The following ACYP2 variants were observed in gnomAD, a reference collection of about 807,000 sequenced individuals.
The protein encoded by ACYP2 is acylphosphatase-2.
A neutral mutation model predicts 11.2 loss-of-function variants in ACYP2; 12 were observed. The observed-to-expected ratio is 1.08, with a 90% CI of 0.69 to 1.74. ACYP2 has a LOEUF of 1.74. Ranked by LOEUF, ACYP2 falls within the 40% of genes most tolerant of loss-of-function variation. The pLI, the probability that ACYP2 is intolerant of heterozygous loss-of-function variation, is 0.00. For synonymous variants in ACYP2, 43 were observed against 32.2 expected (o/e 1.33, Z -1.13); for missense variants, 134 against 101.9 (o/e 1.31, Z -1.35).
chr2:54,256,101 C>G (rs1264418391), intron 6 of ACYP2: 1 of 1,614,154 alleles, frequency 6.2e-7, no homozygotes. Context: ...GCGGGTCTTC[C>G]AGAGCATAGT....
At chr2:54,210,163 A>T (rs1572939677) in intron 6 of ACYP2, among the ~76,000 whole-genome samples, 7 of 142,946 alleles carry the variant, frequency 4.9e-5, no homozygotes, top group East Asian at 2.2e-4. Context: ...AAAAAAAAAA[A>T]AAAAATTAAC....
intron 6 of ACYP2, among the ~76,000 whole-genome samples, chr2:54,179,923 A>G (rs1683631972): frequency 6.6e-6 from 1 of 152,150 alleles, no homozygotes; most frequent in South Asian, 2.1e-4. Flanking sequence ...GATCCCACAG[A>G]TTGGGGGCTC....
intron 6 of ACYP2, among the ~76,000 whole-genome samples, chr2:54,252,615 A>G (rs1432868846): frequency 1.3e-5 from 2 of 152,188 alleles, no homozygotes; most frequent in African/African-American, 4.8e-5. Flanking sequence ...ATTCATAAGG[A>G]AAGATCCCAT....
intron 6 of ACYP2, among the ~76,000 whole-genome samples, chr2:54,239,169 A>G (rs1686625607): frequency 6.6e-6 from 1 of 152,122 alleles, no homozygotes; most frequent in Admixed American, 6.5e-5. Flanking sequence ...CTCTGCTAAT[A>G]ATGTTTTTAC....
intron 2 of ACYP2, among the ~76,000 whole-genome samples, chr2:54,046,590 G>A (rs1222987341): frequency 6.6e-6 from 1 of 151,864 alleles, no homozygotes; most frequent in Non-Finnish European, 1.5e-5. Flanking sequence ...GTGGAGATAC[G>A]GCCTCGACAA....
chr2:54,168,039 T>G (rs917408933), intron 6 of ACYP2, among the ~76,000 whole-genome samples: 7 of 152,198 alleles, frequency 4.6e-5, no homozygotes, highest in African/African-American at 1.7e-4. Context: ...TTTATAAAAA[T>G]TGCTTCTATA....
intron 2 of ACYP2, among the ~76,000 whole-genome samples, chr2:54,015,236 T>G (rs1054505081): frequency 6.7e-6 from 1 of 149,654 alleles, no homozygotes; most frequent in Non-Finnish European, 1.5e-5. Context: ...TACAGGCGGG[T>G]GTGGTGGCTC....
chr2:54,019,686 C>T (rs1256419444), intron 2 of ACYP2, among the ~76,000 whole-genome samples: 2 of 151,912 alleles, frequency 1.3e-5, no homozygotes, highest in Non-Finnish European at 2.9e-5. Flanking sequence ...GTGGCGTGAT[C>T]TCAGCTCACT....
intron 2 of ACYP2, among the ~76,000 whole-genome samples, chr2:54,009,898 A>T (rs1388387171): frequency 6.6e-6 from 1 of 152,154 alleles, no homozygotes; most frequent in Admixed American, 6.5e-5. Context: ...GGAAAGAGGA[A>T]TTCAGTAACC....
At chr2:54,089,423 A>T (rs187854347) in intron 4 of ACYP2, among the ~76,000 whole-genome samples, 11 of 152,084 alleles carry the variant, frequency 7.2e-5, no homozygotes, top group African/African-American at 2.7e-4. Context: ...TCTCCTGGCT[A>T]TTAAGTTTAT....
intron 4 of ACYP2, among the ~76,000 whole-genome samples, chr2:54,098,984 C>A (rs535766555): frequency 6.6e-6 from 1 of 152,244 alleles, no homozygotes; most frequent in African/African-American, 2.4e-5. Flanking sequence ...CTGTCTCAGC[C>A]TCCCAAAGCA....
chr2:54,012,981 T>C (rs1007644015), intron 2 of ACYP2, among the ~76,000 whole-genome samples: 1 of 152,130 alleles, frequency 6.6e-6, no homozygotes, highest in African/African-American at 2.4e-5. Context: ...AGCTGTTCCT[T>C]GAATATGCCA....
At chr2:54,196,053 C>A (rs758789860) in intron 6 of ACYP2, among the ~76,000 whole-genome samples, 6 of 152,048 alleles carry the variant, frequency 3.9e-5, no homozygotes, top group Non-Finnish European at 8.8e-5. Context: ...CCACCTTGGC[C>A]TCCCAAAGTG....
rs1264450725 is a variant in ACYP2 at position 54,277,962 on chromosome 2, TTTAA to T, written c.405-26715_405-26712del. On this transcript the variant is annotated intron_variant, in intron 6 of 6. Transcript: ENST00000607452. Reference sequence around the variant, plus strand: ...CCAAGTCTCCAACTACTATGCACATTTTAATTAATTAATTTATTTATTTATGTAT... The same window carrying T: ...CCAAGTCTCCAACTACTATGCACATTTTAATTAATTTATTTATTTATGTAT... Among the ~76,000 whole-genome samples the T allele has an allele frequency of 7.9e-5, 12 of 152,198 alleles. No homozygotes were observed. The South Asian group carries it at 2.3e-3, about 29-fold the overall frequency.
At chr2:54,255,125 T>C (rs1687430109) in intron 6 of ACYP2, 2 of 1,614,130 alleles carry the variant, frequency 1.2e-6, no homozygotes, top group East Asian at 4.5e-5. Flanking sequence ...ACATGTCGGT[T>C]CCTATGAATG....
At chr2:54,263,870 T>C (rs1350389050) in intron 6 of ACYP2, among the ~76,000 whole-genome samples, 6 of 150,438 alleles carry the variant, frequency 4.0e-5, no homozygotes, top group Non-Finnish European at 8.8e-5. Flanking sequence ...CAATCACTAG[T>C]TGAAACCAGG....
chr2:54,188,191 C>A (rs1041075491), intron 6 of ACYP2, among the ~76,000 whole-genome samples: 2 of 152,038 alleles, frequency 1.3e-5, no homozygotes, highest in African/African-American at 4.8e-5. Flanking sequence ...GGGAAGGGAG[C>A]TTTTTGGAAG....
chr2:54,197,540 C>T (rs373866842), intron 6 of ACYP2, among the ~76,000 whole-genome samples: 3 of 152,210 alleles, frequency 2.0e-5, no homozygotes, highest in South Asian at 2.1e-4. Flanking sequence ...GAAGACAGAA[C>T]GAAGGTTGTG....
chr2:54,186,116 G>T (rs1371738079), intron 6 of ACYP2, among the ~76,000 whole-genome samples: 3 of 152,102 alleles, frequency 2.0e-5, no homozygotes, highest in Admixed American at 6.5e-5. Flanking sequence ...TATAAAGAGA[G>T]AACTTTTTTA....
Sources: gnomAD v4.1 joint callset for allele counts (sites outside exome capture counted in the v4.1 genomes callset) on GRCh38, gnomAD v4.1.1 for gene constraint, MANE v1.5 for transcripts, NCBI Gene and HGNC (gene_info 2026-07-23, HGNC 2026-07-21) for gene names.